XKR6: variants seen among roughly 807,000 people sequenced by gnomAD.
The protein encoded by XKR6 is XK related 6, also known as XK-related protein 6.
A neutral mutation model predicts 56.7 loss-of-function variants in XKR6; 22 were observed. That is an observed-to-expected ratio of 0.39 (90% CI 0.28 to 0.55). The LOEUF is 0.55. Among genes scored for constraint, XKR6 ranks in the 20% least tolerant of loss-of-function variants. XKR6 has a pLI of 0.66. For synonymous variants in XKR6, 524 were observed against 387.8 expected (o/e 1.35, Z -4.13); for missense variants, 852 against 889.0 (o/e 0.96, Z 0.53).
chr8:11,068,761 G>A (rs1416040533), intron 1 of XKR6, among the ~76,000 whole-genome samples: 1 of 152,190 alleles, frequency 6.6e-6, no homozygotes, highest in East Asian at 1.9e-4. Context: ...GACACTGATG[G>A]TGTGACACCC....
chr8:11,073,784 G>C (rs1470814546), intron 1 of XKR6, among the ~76,000 whole-genome samples: 2 of 152,192 alleles, frequency 1.3e-5, no homozygotes, highest in Non-Finnish European at 2.9e-5. Context: ...GGCAGACAGA[G>C]AGGGGCCAGT....
chr8:11,140,896 T>TAAA (rs1800661750), intron 1 of XKR6, among the ~76,000 whole-genome samples: 1 of 44,898 alleles, frequency 2.2e-5, no homozygotes, highest in African/African-American at 2.0e-4. Context: ...AGACTCTGTC[T>TAAA]CAAAAAAAAA....
chr8:11,199,424 G>A (rs914325841), intron 1 of XKR6, among the ~76,000 whole-genome samples: 3 of 152,242 alleles, frequency 2.0e-5, no homozygotes, highest in African/African-American at 7.2e-5. Flanking sequence ...TCTGTTACCT[G>A]AACTACTAAA....
chr8:10,976,967 G>A (rs553506168), intron 1 of XKR6, among the ~76,000 whole-genome samples: 6 of 152,214 alleles, frequency 3.9e-5, no homozygotes, highest in Admixed American at 1.3e-4. Flanking sequence ...ATGGATGCAG[G>A]TCGTCTTCCC....
intron 1 of XKR6, among the ~76,000 whole-genome samples, chr8:10,952,011 G>C (rs530249942): frequency 4.3e-4 from 65 of 152,264 alleles, no homozygotes; most frequent in African/African-American, 1.5e-3. Flanking sequence ...GGAAATCGTG[G>C]GCCAGTGGGT....
chr8:11,154,309 A>T (rs1368657802), intron 1 of XKR6, among the ~76,000 whole-genome samples: 2 of 152,244 alleles, frequency 1.3e-5, no homozygotes, highest in Non-Finnish European at 2.9e-5. Flanking sequence ...AAAACTCTAG[A>T]CACCAAAAAT....
intron 1 of XKR6, among the ~76,000 whole-genome samples, chr8:11,102,664 C>A (rs909412101): frequency 6.6e-6 from 1 of 152,104 alleles, no homozygotes; most frequent in Non-Finnish European, 1.5e-5. Flanking sequence ...AAAACAGTTT[C>A]GTGCCACTGA....
intron 1 of XKR6, among the ~76,000 whole-genome samples, chr8:10,976,753 G>GTCTCTC (rs5889354): frequency 2.0e-5 from 3 of 149,208 alleles, no homozygotes; most frequent in African/African-American, 7.4e-5. Context: ...TACCTCGCCT[G>GTCTCTC]TCTCTCTCTC....
At chr8:11,011,896 C>A (rs1379595760) in intron 1 of XKR6, among the ~76,000 whole-genome samples, 2 of 152,306 alleles carry the variant, frequency 1.3e-5, no homozygotes, top group Admixed American at 6.5e-5. Context: ...GAGGCCAGTG[C>A]AGTGTGGCAG....
At chr8:10,910,090 C>T (rs1800306247) in intron 2 of XKR6, among the ~76,000 whole-genome samples, 1 of 151,742 alleles carries the variant, frequency 6.6e-6, no homozygotes, top group Non-Finnish European at 1.5e-5. Context: ...GGACATTTGT[C>T]GACATCTGGA....
chr8:10,980,151 G>A (rs927132425), intron 1 of XKR6, among the ~76,000 whole-genome samples: 20 of 152,216 alleles, frequency 1.3e-4, no homozygotes, highest in African/African-American at 4.1e-4. Context: ...AAGGGGGAAC[G>A]TCTGAGCTTG....
chr8:11,138,922 T>TA (rs398067574), intron 1 of XKR6, among the ~76,000 whole-genome samples: 8,944 of 136,862 alleles, frequency 0.065, 308 homozygotes, highest in South Asian at 0.1. Context: ...ACCGGCAGAA[T>TA]AAAAAAAAAA....
chr8:10,993,372 G>C lies in XKR6; in HGVS notation c.765-68542C>G, dbSNP rs567329049. The stretch of plus-strand genomic sequence containing the variant: ...GCGAGAGGTGACATCATAGAAGGAA[G>C]AAAGGAAAGAAAGCGGGTGGGAAGA... On this transcript the variant is annotated intron_variant, in intron 1 of 2. Transcript: ENST00000416569. Among the ~76,000 whole-genome samples, 228 of 152,358 alleles carry C rather than the reference G, an allele frequency of 1.5e-3. 1 individual carries two copies. Among genetic ancestry groups the C allele is most frequent in the African/African-American group, 5.3e-3 (221 of 41,590 alleles).
Position 11,084,556 on chromosome 8 carries a change from T to C in XKR6, c.764+116020A>G, listed in dbSNP as rs1274203776. Among the ~76,000 whole-genome samples, 9 of 152,216 alleles carry C rather than the reference T, an allele frequency of 5.9e-5. No individual in the cohort carries two copies. The East Asian group carries it at 1.7e-3, about 29-fold the overall frequency. ...ATATTTACATAGCACCTACCGCTAA[T>C]GAAACATCTTATCCGATCTTAATGA... On this transcript the variant is annotated intron_variant, in intron 1 of 2. Coordinates refer to ENST00000416569, the MANE Select transcript of XKR6 (RefSeq NM_173683.4).
At chr8:11,193,876 G>C (rs914195768) in intron 1 of XKR6, among the ~76,000 whole-genome samples, 1 of 151,266 alleles carries the variant, frequency 6.6e-6, no homozygotes, top group African/African-American at 2.4e-5. Flanking sequence ...ACAAAAAAAA[G>C]ACTACTGAAA....
chr8:11,106,855 A>T (rs1798694297), intron 1 of XKR6, among the ~76,000 whole-genome samples: 2 of 148,110 alleles, frequency 1.4e-5, no homozygotes, highest in South Asian at 4.3e-4. Context: ...CATCTCAAAA[A>T]AAAAAAAAAA....
intron 2 of XKR6, among the ~76,000 whole-genome samples, chr8:10,921,638 G>A (rs912976688): frequency 1.3e-5 from 2 of 152,272 alleles, no homozygotes; most frequent in East Asian, 1.9e-4. Context: ...TCACAAGAGG[G>A]TATAAGTGGT....
chr8:10,912,551 GGTGT>G (rs1419789054), intron 2 of XKR6, among the ~76,000 whole-genome samples: 2 of 139,762 alleles, frequency 1.4e-5, no homozygotes, highest in East Asian at 2.1e-4. Flanking sequence ...AAAGAGAGAG[GGTGT>G]GTGTGTATGT....
intron 1 of XKR6, among the ~76,000 whole-genome samples, chr8:11,161,355 C>G (rs936287664): frequency 1.3e-5 from 2 of 152,204 alleles, no homozygotes; most frequent in Non-Finnish European, 2.9e-5. Flanking sequence ...TATCCATACC[C>G]TCTCTTCATT....
Sources: allele counts gnomAD v4.1 joint callset (sites outside exome capture counted in the v4.1 genomes callset), GRCh38; gene constraint gnomAD v4.1.1; transcripts MANE v1.5; gene names NCBI Gene and HGNC (gene_info 2026-07-23, HGNC 2026-07-21).